The following PIK3C2A variants were observed in gnomAD, a reference collection of about 807,000 sequenced individuals.
The protein encoded by PIK3C2A is phosphatidylinositol 4-phosphate 3-kinase C2 domain-containing subunit alpha.
Under a neutral mutation model 204.5 loss-of-function variants are expected in PIK3C2A, and 97 were observed. The observed-to-expected ratio is 0.47, with a 90% CI of 0.40 to 0.56. The LOEUF is 0.56. Ranked by LOEUF, PIK3C2A falls within the 20% of genes least tolerant of loss-of-function variation. The pLI is 0.00. For missense variants in PIK3C2A, 1,735 were observed against 1,969.2 expected, an observed-to-expected ratio of 0.88 and a Z score of 2.25; for synonymous variants, 653 against 664.4, an observed-to-expected ratio of 0.98 and a Z score of 0.26.
intron 1 of PIK3C2A, among the ~76,000 whole-genome samples, chr11:17,205,655 G>C (rs2137596500): frequency 6.6e-6 from 1 of 152,210 alleles, no homozygotes; most frequent in Admixed American, 6.5e-5. Context: ...GCAAAACTTT[G>C]TGCTACAGAA....
Position 17,119,796 on chromosome 11 carries a change from G to C in PIK3C2A, c.2836C>G (p.Leu946Val). The C allele has an allele frequency of 6.5e-7, 1 of 1,542,636 alleles. No homozygotes were observed. The highest frequency in any genetic ancestry group is 8.7e-7 in the Non-Finnish European group (1 of 1,148,546). ...ATGTATTTGACTTACTTTGAATCAA[G>C]AAGTTCCAATGCAATTAGTGGGTAC... is the stretch of plus-strand genomic sequence containing the variant. The part of the protein sequence containing the change: ...ALYPLIALEL[L>V]DSKFADQEVR... The change falls in exon 16 of 33, where the codon CTT (leucine) becomes GTT (valine). Residue 946 changes from leucine (L) to valine (V), a missense_variant. Physicochemically the swap from Leu to Val is conservative, Grantham distance 32. Coordinates refer to ENST00000691414, the MANE Select transcript of PIK3C2A (RefSeq NM_002645.4).
chr11:17,204,929 G>C (rs1852513282), intron 1 of PIK3C2A, among the ~76,000 whole-genome samples: 1 of 152,178 alleles, frequency 6.6e-6, no homozygotes, highest in East Asian at 1.9e-4. Context: ...TGTAATCCCA[G>C]TACTTTGGGA....
In PIK3C2A at chr11:17,114,439, T is replaced by G; in HGVS notation, c.3243A>C (p.Arg1081=). 6.4e-7 allele frequency: 1 copy of G among 1,573,810 alleles called. No individual in the cohort carries two copies. Among genetic ancestry groups the G allele is most frequent in the African/African-American group, 1.3e-5 (1 of 74,306 alleles). Residue 1081 remains arginine (R), a synonymous_variant, in exon 20 of 33, where the codon CGA becomes CGC. Transcript: ENST00000691414. The part of the protein sequence containing the change: ...RQVVLQRSME[R]VQSFFQKNKC... ...TATTTTTCTGAAAAAAGGACTGTAC[T>G]CGTTCCATACTTCTTTGGAGAACAA... is the stretch of plus-strand genomic sequence containing the variant.
chr11:17,116,364 T>G (rs1475932718), intron 19 of PIK3C2A, among the ~76,000 whole-genome samples: 3 of 152,012 alleles, frequency 2.0e-5, no homozygotes, highest in Non-Finnish European at 4.4e-5. Context: ...CCCACTAGAA[T>G]GGCCATAATC....
rs1421272997 is a variant in PIK3C2A at position 17,178,720 on chromosome 11, T to A, written c.-65-8914A>T. On this transcript the variant is annotated intron_variant, in intron 1 of 32. Transcript: ENST00000691414. ...CACCTGGTTGATTTTTGAATTTTTT[T>A]TTTTTTTTTTTTTTTTTTTTGAGAC... is the stretch of plus-strand genomic sequence containing the variant. Among the ~76,000 whole-genome samples, 9 of 132,476 alleles carry A rather than the reference T, an allele frequency of 6.8e-5. 2 individuals carry two copies. Among genetic ancestry groups the A allele is most frequent in the South Asian group, 2.7e-4 (1 of 3,758 alleles). The allele number at this position is 132,476 out of a possible 152,430, so 86.9% of individuals were successfully genotyped here.
chr11:17,155,131 T>G (rs1317596805), intron 3 of PIK3C2A, among the ~76,000 whole-genome samples: 1 of 152,234 alleles, frequency 6.6e-6, no homozygotes, highest in Non-Finnish European at 1.5e-5. Context: ...ATATTTGCTC[T>G]TCTAAACTTG....
At chr11:17,204,951 G>A (rs1209510732) in intron 1 of PIK3C2A, among the ~76,000 whole-genome samples, 1 of 152,166 alleles carries the variant, frequency 6.6e-6, no homozygotes, top group Non-Finnish European at 1.5e-5. Flanking sequence ...GGCGAGGCGG[G>A]CGGATCACTT....
intron 2 of PIK3C2A, among the ~76,000 whole-genome samples, chr11:17,164,780 T>C (rs1341416453): frequency 6.6e-6 from 1 of 152,196 alleles, no homozygotes; most frequent in African/African-American, 2.4e-5. Flanking sequence ...TTTGAGCAAC[T>C]AGCAGCTCTC....
chr11:17,088,928 A>G lies in PIK3C2A; in HGVS notation c.*810T>C, dbSNP rs968120266. On this transcript the variant is annotated 3_prime_UTR_variant, in exon 33 of 33. Transcript: ENST00000691414. ...TCACATTGGTGAGTCTTATTCAGGT[A>G]TTAGGCTTAACTATTTAGATAACTA... 4 of 152,252 alleles carry G rather than the reference A, an allele frequency of 2.6e-5. No individual in the cohort carries two copies. Among genetic ancestry groups the G allele is most frequent in the Non-Finnish European group, 5.9e-5 (4 of 68,046 alleles). The allele number at this position is 152,252 out of a possible 1,614,324, so 9.4% of individuals were successfully genotyped here.
At chr11:17,122,886 A>C in intron 13 of PIK3C2A, 73 bp from the exon 14 acceptor site, 2 of 673,250 alleles carry the variant, frequency 3.0e-6, no homozygotes, top group East Asian at 5.4e-5. Context: ...ACATGTAATG[A>C]ATTTGAAAAG....
In PIK3C2A at chr11:17,144,894, C is replaced by CAAAA. The variant is rs35069519; in HGVS notation, c.1704+770_1704+773dup. Among the ~76,000 whole-genome samples the CAAAA allele has an allele frequency of 5.4e-3, 425 of 78,070 alleles. 59 individuals are homozygous for CAAAA. Among genetic ancestry groups the CAAAA allele is most frequent in the East Asian group, 0.019 (17 of 906 alleles). 51.2% of individuals were successfully genotyped at this position (78,070 alleles called of 152,430 possible). On this transcript the variant is annotated intron_variant, in intron 8 of 32. Coordinates refer to ENST00000691414, the MANE Select transcript of PIK3C2A (RefSeq NM_002645.4). ...TGAGCAACACATGGAGACTCAGCCT[C>CAAAA]AAAAAAAAAAAAAAAAAAAAAAAAA...
chr11:17,124,764 GAA>G (rs1264850841), intron 13 of PIK3C2A, among the ~76,000 whole-genome samples: 1 of 152,176 alleles, frequency 6.6e-6, no homozygotes, highest in Non-Finnish European at 1.5e-5. Context: ...ACCCTTTACA[GAA>G]AAAGTTTGTT....
intron 8 of PIK3C2A, among the ~76,000 whole-genome samples, chr11:17,137,106 T>G (rs563767729): frequency 1.0e-3 from 153 of 152,316 alleles, no homozygotes; most frequent in African/African-American, 3.5e-3. Flanking sequence ...TATTAATTCA[T>G]AAAACATTTA....
chr11:17,195,551 C>G (rs532299374), intron 1 of PIK3C2A, among the ~76,000 whole-genome samples: 1 of 151,598 alleles, frequency 6.6e-6, no homozygotes, highest in South Asian at 2.1e-4. Context: ...GAAACTCCAT[C>G]TCTACCAAAA....
At chr11:17,202,633 G>T (rs920078723) in intron 1 of PIK3C2A, among the ~76,000 whole-genome samples, 2 of 151,810 alleles carry the variant, frequency 1.3e-5, no homozygotes, top group Non-Finnish European at 2.9e-5. Context: ...TTCAAGCAAT[G>T]CTTCTAATTT....
intron 1 of PIK3C2A, among the ~76,000 whole-genome samples, chr11:17,184,324 T>C (rs1168824350): frequency 1.3e-5 from 2 of 151,804 alleles, no homozygotes; most frequent in Non-Finnish European, 2.9e-5. Flanking sequence ...GCTCCATGCA[T>C]ATTATGGCCC....
intron 12 of PIK3C2A, among the ~76,000 whole-genome samples, chr11:17,130,155 A>C (rs1015846242): frequency 1.3e-5 from 2 of 152,166 alleles, no homozygotes; most frequent in African/African-American, 4.8e-5. Flanking sequence ...AACATATATA[A>C]TAAGTATATA....
intron 13 of PIK3C2A, among the ~76,000 whole-genome samples, chr11:17,124,784 G>C (rs922978762): frequency 2.0e-5 from 3 of 152,098 alleles, no homozygotes; most frequent in Non-Finnish European, 1.5e-5. Context: ...GTTAACTCTT[G>C]TTTGGTCTCC....
Position 17,101,298 on chromosome 11 carries a change from A to G in PIK3C2A, c.3988T>C (p.Phe1330Leu). Residue 1330 changes from phenylalanine to leucine, a missense_variant, in exon 25 of 33, where the codon TTT (phenylalanine) becomes CTT (leucine). Coordinates refer to ENST00000691414, the MANE Select transcript of PIK3C2A (RefSeq NM_002645.4). ...YNLIRKQTNL[F>L]LNLLSLMIPS... The stretch of plus-strand genomic sequence containing the variant: ...GTTACCAGTGAAAGGAGGTTAAGAA[A>G]AAGGTTTGTCTGCTTTCTTATCAAG... 2 of 1,548,804 alleles carry G rather than the reference A, an allele frequency of 1.3e-6. No individual in the cohort carries two copies. Among genetic ancestry groups the G allele is most frequent in the Non-Finnish European group, 1.8e-6 (2 of 1,134,976 alleles).
Sources: allele counts gnomAD v4.1 joint callset (sites outside exome capture counted in the v4.1 genomes callset), GRCh38; gene constraint gnomAD v4.1.1; transcripts MANE v1.5; gene names NCBI Gene and HGNC (gene_info 2026-07-23, HGNC 2026-07-21).